The following FOXP1 variants were observed in gnomAD, a reference collection of about 807,000 sequenced individuals.
FOXP1 encodes the protein forkhead box protein P1.
In FOXP1, 15 loss-of-function variants were observed where a neutral mutation model predicts 98.2. That is an observed-to-expected ratio of 0.15 (90% CI 0.10 to 0.24). The LOEUF (loss-of-function observed/expected upper bound fraction) is 0.24. Ranked by LOEUF, FOXP1 falls within the 10% of genes least tolerant of loss-of-function variation. The pLI is 1.00. For missense variants in FOXP1, 633 were observed against 848.5 expected, an observed-to-expected ratio of 0.75 and a Z score of 3.15; for synonymous variants, 371 against 314.5, an observed-to-expected ratio of 1.18 and a Z score of -1.90.
intron 5 of FOXP1, among the ~76,000 whole-genome samples, chr3:71,206,681 T>C (rs946952967): frequency 2.6e-5 from 4 of 152,366 alleles, no homozygotes; most frequent in African/African-American, 7.2e-5. Context: ...ACTGTAAATG[T>C]CTTATTCTTC....
intron 7 of FOXP1, among the ~76,000 whole-genome samples, chr3:71,054,649 T>C (rs1216554317): frequency 6.6e-6 from 1 of 152,210 alleles, no homozygotes; most frequent in African/African-American, 2.4e-5. Context: ...TTCAAAATAA[T>C]CACTGCACTT....
At chr3:71,349,784 G>A (rs9812770) in intron 4 of FOXP1, among the ~76,000 whole-genome samples, 1 of 151,974 alleles carries the variant, frequency 6.6e-6, no homozygotes, top group Non-Finnish European at 1.5e-5. Flanking sequence ...ATTGACAGAG[G>A]GCTTACCAGG....
intron 5 of FOXP1, among the ~76,000 whole-genome samples, chr3:71,278,900 C>T (rs1296281176): frequency 6.6e-6 from 1 of 151,590 alleles, no homozygotes; most frequent in Non-Finnish European, 1.5e-5. Flanking sequence ...TTGATAGAAA[C>T]AGGAATTGGG....
intron 3 of FOXP1, among the ~76,000 whole-genome samples, chr3:71,413,088 C>A (rs2082883637): frequency 6.6e-6 from 1 of 152,086 alleles, no homozygotes; most frequent in African/African-American, 2.4e-5. Flanking sequence ...CAAAAACCGA[C>A]AAACAGCCAA....
chr3:71,302,793 T>A (rs1406442878), intron 4 of FOXP1: 1 of 152,158 alleles, frequency 6.6e-6, no homozygotes, highest in African/African-American at 2.4e-5. Context: ...CAGTATCATT[T>A]ACCTGAAGTT....
chr3:71,020,763 A>G (rs143978194), intron 11 of FOXP1, among the ~76,000 whole-genome samples: 10 of 152,238 alleles, frequency 6.6e-5, no homozygotes, highest in African/African-American at 2.2e-4. Context: ...TCTGTCTTTT[A>G]AGTATCCCCT....
chr3:71,082,011 G>T (rs1308761230), intron 7 of FOXP1, among the ~76,000 whole-genome samples: 2 of 152,130 alleles, frequency 1.3e-5, no homozygotes, highest in Non-Finnish European at 2.9e-5. Context: ...GGGCGCGGTG[G>T]CTCACGCCTG....
chr3:71,122,238 T>C (rs1221663549), intron 6 of FOXP1, among the ~76,000 whole-genome samples: 1 of 152,208 alleles, frequency 6.6e-6, no homozygotes, highest in Non-Finnish European at 1.5e-5. Flanking sequence ...AATGCTTTGC[T>C]TCACAAAGTA....
chr3:71,520,286 C>T (rs115214540), intron 2 of FOXP1, among the ~76,000 whole-genome samples: 13 of 152,284 alleles, frequency 8.5e-5, no homozygotes, highest in South Asian at 6.2e-4. Context: ...TTTTCAATGA[C>T]GGGAAGGAGT....
At chr3:71,484,933 G>A (rs775152374) in intron 3 of FOXP1, among the ~76,000 whole-genome samples, 73 of 152,160 alleles carry the variant, frequency 4.8e-4, no homozygotes, top group Non-Finnish European at 7.6e-4. Context: ...TATAACACAC[G>A]TATTATAGCC....
At chr3:71,523,956 G>A (rs1413250210) in intron 2 of FOXP1, among the ~76,000 whole-genome samples, 1 of 152,160 alleles carries the variant, frequency 6.6e-6, no homozygotes, top group Non-Finnish European at 1.5e-5. Context: ...ATGAGGGAAT[G>A]TGTCCATGTA....
intron 2 of FOXP1, among the ~76,000 whole-genome samples, chr3:71,550,399 G>A (rs948754736): frequency 6.6e-6 from 1 of 152,142 alleles, no homozygotes; most frequent in African/African-American, 2.4e-5. Context: ...TGCAAAATGA[G>A]GATAACAGGA....
chr3:71,396,247 A>G (rs2081362718), intron 3 of FOXP1, among the ~76,000 whole-genome samples: 1 of 152,148 alleles, frequency 6.6e-6, no homozygotes, highest in South Asian at 2.1e-4. Context: ...GCTGCCACAG[A>G]GAGCAGGAAG....
At chr3:71,283,104 C>T (rs1410876792) in intron 5 of FOXP1, among the ~76,000 whole-genome samples, 1 of 152,204 alleles carries the variant, frequency 6.6e-6, no homozygotes, top group Non-Finnish European at 1.5e-5. Flanking sequence ...TCCACTGGTG[C>T]TGAGTGCAGG....
intron 11 of FOXP1, among the ~76,000 whole-genome samples, chr3:71,026,524 C>T (rs891487875): frequency 1.2e-4 from 19 of 152,184 alleles, no homozygotes; most frequent in African/African-American, 4.6e-4. Context: ...AAGGCCCCAA[C>T]AGCACAGTGT....
intron 3 of FOXP1, among the ~76,000 whole-genome samples, chr3:71,427,424 A>C (rs1470218976): frequency 6.6e-6 from 1 of 152,220 alleles, no homozygotes; most frequent in Non-Finnish European, 1.5e-5. Flanking sequence ...GTAAAGCGTA[A>C]AGCTAGCGAG....
At chr3:71,204,018 T>C (rs1232477587) in intron 5 of FOXP1, among the ~76,000 whole-genome samples, 1 of 148,826 alleles carries the variant, frequency 6.7e-6, no homozygotes, top group Non-Finnish European at 1.5e-5. Flanking sequence ...CTGTGTAGAT[T>C]TCATTATTTT....
Position 71,327,580 on chromosome 3 carries a change from G to T in FOXP1, c.-72-27700C>A, listed in dbSNP as rs192257667. Reference sequence around the variant, plus strand: ...TTTTTTGTATTTTTAGTAGAGATGGGGTTTCACCGTGTTAGCCAGGATGGT... The same window carrying T: ...TTTTTTGTATTTTTAGTAGAGATGGTGTTTCACCGTGTTAGCCAGGATGGT... On this transcript the variant is annotated intron_variant, in intron 4 of 20. Transcript: ENST00000649528. 7.2e-3 allele frequency among the ~76,000 whole-genome samples: 1,090 copies of T among 151,282 alleles called. 30 individuals carry two copies. Among genetic ancestry groups the T allele is most frequent in the Non-Finnish European group, 4.6e-3 (310 of 67,828 alleles).
intron 5 of FOXP1, among the ~76,000 whole-genome samples, chr3:71,262,099 C>G (rs2107193392): frequency 6.6e-6 from 1 of 151,540 alleles, no homozygotes; most frequent in East Asian, 1.9e-4. Flanking sequence ...AACCCTGTCT[C>G]CACTAAAAAT....
Sources: allele counts gnomAD v4.1 joint callset (sites outside exome capture counted in the v4.1 genomes callset), GRCh38; gene constraint gnomAD v4.1.1; transcripts MANE v1.5; gene names NCBI Gene and HGNC (gene_info 2026-07-23, HGNC 2026-07-21).